Variants in EFHB observed in about 807,000 individuals in gnomAD.
EFHB encodes the protein EF-hand domain-containing family member B.
In EFHB, 91 loss-of-function variants were observed where a neutral mutation model predicts 87.2. That is an observed-to-expected ratio of 1.04 (90% CI 0.88 to 1.24). EFHB has a LOEUF of 1.24. EFHB is among the 50% of genes most tolerant of loss of function. The pLI, the probability that EFHB is intolerant of heterozygous loss-of-function variation, is 0.00. For missense variants in EFHB, 1,084 were observed against 998.8 expected, an observed-to-expected ratio of 1.09 and a Z score of -1.15; for synonymous variants, 325 against 333.6, an observed-to-expected ratio of 0.97 and a Z score of 0.28.
intron 1 of EFHB, chr3:19,941,080 T>C: frequency 2.7e-6 from 1 of 364,182 alleles, no homozygotes; most frequent in Non-Finnish European, 5.1e-6. Context: ...AGCAACAGCT[T>C]CATTAGGGCT....
At chr3:19,914,191 G>A (rs146226116) in intron 5 of EFHB, among the ~76,000 whole-genome samples, 28 of 152,090 alleles carry the variant, frequency 1.8e-4, no homozygotes, top group East Asian at 1.4e-3. Flanking sequence ...CAAGTGATCC[G>A]GCGCTGAGAT....
At chr3:19,930,999 A>G (rs1695811231) in intron 1 of EFHB, among the ~76,000 whole-genome samples, 1 of 152,104 alleles carries the variant, frequency 6.6e-6, no homozygotes, top group Non-Finnish European at 1.5e-5. Context: ...TTTAGAAAAA[A>G]AAGAAGGAAA....
rs544501678 is a variant in EFHB, at chr3:19,905,489, A to G, written c.1418+131T>C. On this transcript the variant is annotated intron_variant, in intron 6 of 12. Coordinates refer to ENST00000295824, the MANE Select transcript of EFHB (RefSeq NM_144715.4). ...TGAAATACATTACACTGTTTTTTCTATTTTTTTCTAGTCATCTTGTTTGAA... is the reference window on the plus strand; with the variant it reads ...TGAAATACATTACACTGTTTTTTCTGTTTTTTTCTAGTCATCTTGTTTGAA... 1.6e-5 allele frequency: 17 copies of G among 1,061,640 alleles called. No individual in the cohort carries two copies. In the South Asian group the frequency reaches 3.0e-4, roughly 19 times the overall value. 65.8% of individuals were successfully genotyped at this position (1,061,640 alleles called of 1,614,324 possible).
chr3:19,883,132 C>T (rs2125122828), intron 11 of EFHB, among the ~76,000 whole-genome samples: 2 of 152,164 alleles, frequency 1.3e-5, no homozygotes, highest in South Asian at 4.1e-4. Context: ...TCCCAGGTTG[C>T]TGAGACTACA....
chr3:19,921,931 A>C (rs1359901292), intron 1 of EFHB, among the ~76,000 whole-genome samples: 1 of 152,140 alleles, frequency 6.6e-6, no homozygotes, highest in Non-Finnish European at 1.5e-5. Flanking sequence ...TTGGGAGGTC[A>C]AGGTAGGTGG....
At chr3:19,892,429 A>G (rs1307626053) in intron 9 of EFHB, among the ~76,000 whole-genome samples, 1 of 152,180 alleles carries the variant, frequency 6.6e-6, no homozygotes, top group Admixed American at 6.5e-5. Flanking sequence ...CTGAATAATA[A>G]TCAGAATAAA....
chr3:19,924,503 C>T (rs1203553621), intron 1 of EFHB, among the ~76,000 whole-genome samples: 1 of 152,080 alleles, frequency 6.6e-6, no homozygotes, highest in African/African-American at 2.4e-5. Context: ...TGAGCCACTG[C>T]GCCAGGCCTT....
intron 9 of EFHB, chr3:19,894,383 A>G (rs972545803): frequency 1.3e-5 from 2 of 152,188 alleles, no homozygotes; most frequent in Non-Finnish European, 2.9e-5. Context: ...CTCTCCCTCT[A>G]GATTTTCCAT....
chr3:19,900,284 T>A (rs1463102872), intron 6 of EFHB, among the ~76,000 whole-genome samples: 1 of 151,288 alleles, frequency 6.6e-6, no homozygotes, highest in African/African-American at 2.4e-5. Context: ...AAATTTAGCA[T>A]CAAATAAATA....
In EFHB at chr3:19,882,833, A is replaced by C. The variant is rs558412022; in HGVS notation, c.2147-102T>G. ...CATACTGAGCACTTAAAATGTAGCT[A>C]GGAAGAATTTTGGTGTATTCCAAAT... On this transcript the variant is annotated intron_variant, in intron 11 of 12. Transcript: ENST00000295824. 620 of 1,078,514 alleles carry C rather than the reference A, an allele frequency of 5.7e-4. 1 individual carries two copies. Among genetic ancestry groups the C allele is most frequent in the Non-Finnish European group, 7.3e-4 (585 of 806,438 alleles). 66.8% of individuals were successfully genotyped at this position (1,078,514 alleles called of 1,614,324 possible).
chr3:19,908,715 T>C (rs1013948111), intron 5 of EFHB, among the ~76,000 whole-genome samples: 1 of 152,150 alleles, frequency 6.6e-6, no homozygotes, highest in African/African-American at 2.4e-5. Context: ...TATATTTCTG[T>C]ATAGCTTTCA....
intron 5 of EFHB, among the ~76,000 whole-genome samples, chr3:19,912,347 T>C (rs987815736): frequency 2.6e-5 from 4 of 152,148 alleles, no homozygotes; most frequent in Non-Finnish European, 5.9e-5. Context: ...GTATATCTTA[T>C]CTGCTGAAAA....
rs946142876 is a variant in EFHB at position 19,882,477 on chromosome 3, A to C, written c.2328+73T>G. The C allele has an allele frequency of 5.3e-6, 7 of 1,308,494 alleles. No homozygotes were observed. The Admixed American group carries it at 2.2e-4, about 40-fold the overall frequency. 81.1% of individuals were successfully genotyped at this position (1,308,494 alleles called of 1,614,324 possible). On this transcript the variant is annotated intron_variant, in intron 12 of 12. Transcript: ENST00000295824. ...AGACTTTTGTAAATATAAAAATTCA[A>C]GTTTTTAAAATTCTAAAATAGTAGT...
intron 9 of EFHB, among the ~76,000 whole-genome samples, chr3:19,891,040 T>A (rs1348498732): frequency 2.6e-5 from 4 of 151,152 alleles, no homozygotes; most frequent in African/African-American, 4.9e-5. Flanking sequence ...GCTTTACGTG[T>A]AAAAGAGTAG....
intron 12 of EFHB, among the ~76,000 whole-genome samples, chr3:19,880,493 C>A (rs1338972869): frequency 6.6e-6 from 1 of 152,090 alleles, no homozygotes; most frequent in Non-Finnish European, 1.5e-5. Flanking sequence ...CTCAAATGAT[C>A]CACCCATCTC....
intron 11 of EFHB, 56 bp downstream of exon 11, chr3:19,884,347 G>C: frequency 6.7e-7 from 1 of 1,497,966 alleles, no homozygotes; most frequent in Non-Finnish European, 9.1e-7. Context: ...ACAATGCAAG[G>C]ACAGACAGAG....
chr3:19,884,523 CT>C lies in EFHB; in HGVS notation c.2025del (p.Glu676LysfsTer13). On this transcript the variant is annotated frameshift_variant, in exon 11 of 13. Coordinates refer to ENST00000295824, the MANE Select transcript of EFHB (RefSeq NM_144715.4). LOFTEE classifies it high-confidence loss of function. ...AGAGTCTTTTCTGTGCTTCCTGCTT[CT>C]TTTAAGACAATATCTTCTGGCTTTA... ...LLIKPEDIVL[K>X]EAGSTEKTLR... 6.2e-7 allele frequency: 1 copy of C among 1,613,948 alleles called. No individual in the cohort carries two copies. Among genetic ancestry groups the C allele is most frequent in the Non-Finnish European group, 8.5e-7 (1 of 1,179,874 alleles).
intron 5 of EFHB, among the ~76,000 whole-genome samples, chr3:19,907,222 A>C (rs531301563): frequency 2.6e-5 from 4 of 152,220 alleles, no homozygotes; most frequent in Non-Finnish European, 4.4e-5. Context: ...TGCATAGCAA[A>C]GGAAACAATC....
At chr3:19,914,822 G>C (rs1352050935) in intron 5 of EFHB, among the ~76,000 whole-genome samples, 1 of 152,112 alleles carries the variant, frequency 6.6e-6, no homozygotes. Flanking sequence ...GAGTGCAGTG[G>C]TGCATGCCTG....
Sources: gnomAD v4.1 joint callset for allele counts (sites outside exome capture counted in the v4.1 genomes callset) on GRCh38, gnomAD v4.1.1 for gene constraint, MANE v1.5 for transcripts, NCBI Gene and HGNC (gene_info 2026-07-23, HGNC 2026-07-21) for gene names.